The following DLG5 variants were observed in gnomAD, a reference collection of about 807,000 sequenced individuals.
The protein encoded by DLG5 is disks large homolog 5.
A neutral mutation model predicts 189.8 loss-of-function variants in DLG5; 48 were observed. The ratio of observed to expected loss-of-function variants is 0.25; its 90% CI spans 0.20 to 0.32. The LOEUF is 0.32. DLG5 is among the 10% of genes least tolerant of loss of function. The pLI is 1.00. For missense variants in DLG5, 2,160 were observed against 2,544.7 expected (o/e 0.85, Z 3.25); for synonymous variants, 1,016 against 1,054.1 (o/e 0.96, Z 0.70).
In DLG5 at chr10:77,805,708, G is replaced by A. The variant is rs771136671; in HGVS notation, c.5121C>T (p.Leu1707=). Residue 1707 remains leucine, a synonymous_variant, in exon 27 of 32, where the codon CTC becomes CTT. Coordinates refer to ENST00000372391, the MANE Select transcript of DLG5 (RefSeq NM_004747.4). ...AGTCACTGGAAAAGGCATCCAAGGC[G>A]AGCAGGTCTTTCCCGTCCTTGGACC... ...RSGSKDGKDL[L]ALDAFSSDSI... The A allele has an allele frequency of 8.7e-6, 14 of 1,613,776 alleles. No homozygotes were observed. Among genetic ancestry groups the A allele is most frequent in the African/African-American group, 8.0e-5 (6 of 74,922 alleles).
intron 14 of DLG5, 23 bp from the exon 15 acceptor site, chr10:77,822,124 T>C (rs1482090693): frequency 6.3e-7 from 1 of 1,589,942 alleles, no homozygotes; most frequent in African/African-American, 1.4e-5. Context: ...TGCAGAGGAG[T>C]GAGAGAGAGA....
Position 77,821,261 on chromosome 10 carries a change from A to C in DLG5, c.3223T>G (p.Ser1075Ala). 6.2e-7 allele frequency: 1 copy of C among 1,613,862 alleles called. No individual in the cohort carries two copies. Among genetic ancestry groups the C allele is most frequent in the Non-Finnish European group, 8.5e-7 (1 of 1,180,032 alleles). ...PPRKARVRIA[S>A]SYYPEGDGDS... ...CCATCTCCTTCAGGGTAGTAGCTGG[A>C]AGCAATGCGGACCCTGGCCTTGCGA... Residue 1075 changes from serine to alanine, a missense_variant, in exon 15 of 32, where the codon TCC (serine) becomes GCC (alanine). Physicochemically the swap from Ser to Ala is moderately conservative, Grantham distance 99. Around this residue, in one of 5 missense-constraint regions of DLG5, gnomAD observed 754 missense variants for 746.5 expected, o/e 1.01. Transcript: ENST00000372391.
chr10:77,877,844 T>C (rs961727216), intron 1 of DLG5, among the ~76,000 whole-genome samples: 11 of 136,976 alleles, frequency 8.0e-5, no homozygotes, highest in Non-Finnish European at 1.8e-4. Flanking sequence ...CAAGGCGAGG[T>C]GTGAAGGAGT....
At chr10:77,818,991 G>C (rs1842198466) in intron 17 of DLG5, among the ~76,000 whole-genome samples, 1 of 152,164 alleles carries the variant, frequency 6.6e-6, no homozygotes, top group Admixed American at 6.5e-5. Context: ...TCATCTTCAA[G>C]ACAGAAACAG....
intron 31 of DLG5, chr10:77,792,848 T>C: frequency 2.5e-6 from 1 of 395,384 alleles, no homozygotes; most frequent in Non-Finnish European, 4.6e-6. Flanking sequence ...GTGGCGGTGG[T>C]CTAATCATTA....
intron 23 of DLG5, 123 bp downstream of exon 23, chr10:77,810,971 G>A: frequency 8.1e-7 from 1 of 1,237,002 alleles, no homozygotes; most frequent in South Asian, 1.6e-5. Context: ...AACTCCTGAA[G>A]ACCTGGTGTG....
intron 1 of DLG5, among the ~76,000 whole-genome samples, chr10:77,923,999 G>T (rs1305002504): frequency 2.0e-5 from 3 of 152,008 alleles, no homozygotes; most frequent in African/African-American, 7.2e-5. Flanking sequence ...CAAGTAGCTG[G>T]GACTACAGGC....
intron 1 of DLG5, among the ~76,000 whole-genome samples, chr10:77,913,266 G>C (rs1846275155): frequency 6.6e-6 from 1 of 152,024 alleles, no homozygotes; most frequent in Non-Finnish European, 1.5e-5. Flanking sequence ...AGTTCTTCCT[G>C]AAACAACCGG....
At position 77,796,742 on chromosome 10, in the gene DLG5, C is replaced by A; in HGVS notation, c.5165-148G>T. 1.0e-6 allele frequency: 1 copy of A among 998,660 alleles called. No individual in the cohort carries two copies. Among genetic ancestry groups the A allele is most frequent in the Non-Finnish European group, 1.5e-6 (1 of 678,510 alleles). The allele number at this position is 998,660 out of a possible 1,614,324, so 61.9% of individuals were successfully genotyped here. A position where few individuals can be genotyped will look rare whatever the true frequency, so the allele number is the denominator to read the frequency against. ...CACTGAAAATCTCGTGTCCCAGGCA[C>A]AACCGGGCATCGTCACCCCTGGAGT... On this transcript the variant is annotated intron_variant, in intron 27 of 31. Coordinates refer to ENST00000372391, the MANE Select transcript of DLG5 (RefSeq NM_004747.4). This position sits in a 1 kb window ranked among gnomAD's most constrained non-coding sequence, Gnocchi z 5.2.
At chr10:77,878,671 A>G (rs930778783) in intron 1 of DLG5, among the ~76,000 whole-genome samples, 5 of 152,126 alleles carry the variant, frequency 3.3e-5, no homozygotes, top group East Asian at 1.9e-4. Flanking sequence ...ATACAGCTCT[A>G]TCTATGCCTG....
intron 14 of DLG5, 151 bp downstream of exon 14, chr10:77,824,233 C>T (rs974472667): frequency 3.7e-5 from 22 of 596,348 alleles, no homozygotes; most frequent in Non-Finnish European, 5.3e-5. Flanking sequence ...TTCAGACCAG[C>T]GTCCAGTCAG....
chr10:77,920,036 T>G (rs1229297509), intron 1 of DLG5, among the ~76,000 whole-genome samples: 3 of 152,214 alleles, frequency 2.0e-5, no homozygotes, highest in African/African-American at 7.2e-5. Context: ...ATTCTGGGCA[T>G]GAGGACTATA....
chr10:77,882,080 T>C (rs974667290), intron 1 of DLG5, among the ~76,000 whole-genome samples: 2 of 152,242 alleles, frequency 1.3e-5, no homozygotes, highest in East Asian at 1.9e-4. Context: ...CCTGGGTCTG[T>C]AGTAGCAGCA....
intron 27 of DLG5, among the ~76,000 whole-genome samples, chr10:77,804,799 ACCGACAGCT>A (rs1325206739): frequency 6.6e-6 from 1 of 152,158 alleles, no homozygotes; most frequent in Non-Finnish European, 1.5e-5. Context: ...TTCTGCAGAA[ACCGACAGCT>A]CTTGGTCACT....
chr10:77,866,200 C>T (rs1376161170), intron 2 of DLG5, among the ~76,000 whole-genome samples: 1 of 152,200 alleles, frequency 6.6e-6, no homozygotes, highest in Non-Finnish European at 1.5e-5. Context: ...GCCAGCCCCA[C>T]CAGGCACTCC....
In DLG5 at chr10:77,835,909, A is replaced by G. The variant is rs1413153574; in HGVS notation, c.1451T>C (p.Val484Ala). ...MEALRQIKDT[V>A]TMDAGRANKE... ...GTTGGCTCTCCCAGCATCCATTGTC[A>G]CCGTGTCTTTGATCTGGTGGGAGCA... The change falls in exon 8 of 32, where the codon GTG becomes GCG. Residue 484 changes from valine to alanine, a missense_variant. Val to Ala is a moderately conservative substitution (Grantham distance 64). Coordinates refer to ENST00000372391, the MANE Select transcript of DLG5 (RefSeq NM_004747.4). 1 of 1,612,560 alleles carries G rather than the reference A, an allele frequency of 6.2e-7. No individual in the cohort carries two copies. Among genetic ancestry groups the G allele is most frequent in the South Asian group, 1.1e-5 (1 of 90,998 alleles).
rs1842223386 is a variant in DLG5 at position 77,819,423 on chromosome 10, G to C, written c.3569C>G (p.Ser1190Cys). 6.2e-7 allele frequency: 1 copy of C among 1,613,774 alleles called. No homozygotes were observed. The highest frequency in any genetic ancestry group is 8.5e-7 in the Non-Finnish European group (1 of 1,179,964). The change falls in exon 17 of 32, where the codon TCC (serine) becomes TGC (cysteine). Residue 1190 changes from serine to cysteine, a missense_variant. Ser to Cys is a moderately radical substitution (Grantham distance 112). This residue lies in a region of DLG5 where 754 missense variants were observed against 746.5 expected (regional missense o/e 1.01). Transcript: ENST00000372391. ...RSLTPSTTVS[S>C]ILRNPIYTVR... ...AGTGTAGATGGGGTTCCGCAGGATG[G>C]AGCTCACAGTGGTGCTGGGGGTCAA...
rs544799832 is a variant in DLG5 at position 77,892,844 on chromosome 10, G to C, written c.305-23647C>G. ...TCAAGTTTTTAAAATGAAAATAAAG[G>C]ATTGCTGAATAAATGAACAACCAGA... is the stretch of plus-strand genomic sequence containing the variant. On this transcript the variant is annotated intron_variant, in intron 1 of 31. Coordinates refer to ENST00000372391, the MANE Select transcript of DLG5 (RefSeq NM_004747.4). Among the ~76,000 whole-genome samples the C allele has an allele frequency of 8.5e-5, 13 of 152,324 alleles. No individual in the cohort carries two copies. The East Asian group carries it at 1.5e-3, about 18-fold the overall frequency.
At position 77,811,129 on chromosome 10, in the gene DLG5, C is replaced by T. The variant is rs551540686; in HGVS notation, c.4428G>A (p.Gly1476=). The T allele has an allele frequency of 1.9e-6, 3 of 1,612,396 alleles. No homozygotes were observed. The highest frequency in any genetic ancestry group is 2.2e-5 in the East Asian group (1 of 44,840). ...TCTGCTTGGCTGGGGGGGTGCTAGGCCCCTCGTCCTGCTCCATCAGTGGGT... is the reference window on the plus strand; with the variant it reads ...TCTGCTTGGCTGGGGGGGTGCTAGGTCCCTCGTCCTGCTCCATCAGTGGGT... ...VIDPLMEQDE[G]PSTPPAKQSS... Residue 1476 remains glycine, a synonymous_variant, in exon 23 of 32, where the codon GGG becomes GGA. Transcript: ENST00000372391.
Sources: gnomAD v4.1 joint callset for allele counts (sites outside exome capture counted in the v4.1 genomes callset) on GRCh38, gnomAD v4.1.1 for gene constraint, gnomAD v4.1.1 regional missense constraint, Gnocchi (gnomAD v3.1) non-coding constraint, MANE v1.5 for transcripts, NCBI Gene and HGNC (gene_info 2026-07-23, HGNC 2026-07-21) for gene names.